HERC4: variants seen among roughly 807,000 people sequenced by gnomAD.
HERC4 encodes the protein probable E3 ubiquitin-protein ligase HERC4.
A neutral mutation model predicts 124.3 loss-of-function variants in HERC4; 28 were observed. That is an observed-to-expected ratio of 0.23 (90% CI 0.17 to 0.31). HERC4 has a LOEUF of 0.31. Ranked by LOEUF, HERC4 falls within the 10% of genes least tolerant of loss-of-function variation. HERC4 has a pLI of 1.00. For missense variants in HERC4, 713 were observed against 1,229.3 expected (o/e 0.58, Z 6.28); for synonymous variants, 407 against 421.5 (o/e 0.97, Z 0.42).
chr10:68,004,587 C>T (rs1169691956), intron 9 of HERC4, among the ~76,000 whole-genome samples: 1 of 151,960 alleles, frequency 6.6e-6, no homozygotes, highest in Non-Finnish European at 1.5e-5. Flanking sequence ...GGGGTGTATT[C>T]GTCTGTTTTC....
chr10:67,984,364 G>A (rs896947599), intron 15 of HERC4, among the ~76,000 whole-genome samples: 8 of 151,696 alleles, frequency 5.3e-5, no homozygotes, highest in African/African-American at 1.9e-4. Flanking sequence ...CAAAACTGGA[G>A]GACATTATTT....
intron 3 of HERC4, among the ~76,000 whole-genome samples, chr10:68,066,306 A>G (rs1303444897): frequency 1.3e-5 from 2 of 152,206 alleles, no homozygotes; most frequent in African/African-American, 4.8e-5. Context: ...AATCTTTACT[A>G]AGGAGATAAT....
chr10:68,009,068 A>T (rs968886014), intron 9 of HERC4, among the ~76,000 whole-genome samples: 1 of 151,982 alleles, frequency 6.6e-6, no homozygotes, highest in Non-Finnish European at 1.5e-5. Context: ...TAAAAATACT[A>T]AAAAAATTAG....
At chr10:67,925,209 A>G (rs1415888817) in intron 23 of HERC4, 22 bp from the exon 24 acceptor site, 2 of 1,372,648 alleles carry the variant, frequency 1.5e-6, no homozygotes, top group Non-Finnish European at 1.0e-6. Context: ...ATAATCTTTT[A>G]TTAGTATTAA....
chr10:68,072,038 C>T (rs1273754578), intron 3 of HERC4, among the ~76,000 whole-genome samples: 1 of 152,134 alleles, frequency 6.6e-6, no homozygotes, highest in Non-Finnish European at 1.5e-5. Context: ...ATAACTGCCA[C>T]AGAAAATACT....
At chr10:67,946,354 C>CACAA (rs2033340916) in intron 19 of HERC4, among the ~76,000 whole-genome samples, 2 of 88,668 alleles carry the variant, frequency 2.3e-5, no homozygotes, top group South Asian at 3.0e-4. Flanking sequence ...CACAAACACA[C>CACAA]ACACACACAC....
intron 19 of HERC4, among the ~76,000 whole-genome samples, chr10:67,949,731 A>C (rs976011229): frequency 6.6e-6 from 1 of 152,234 alleles, no homozygotes; most frequent in Non-Finnish European, 1.5e-5. Context: ...TACTAATGTA[A>C]AAAAGCATCA....
intron 19 of HERC4, among the ~76,000 whole-genome samples, chr10:67,949,967 T>C (rs1269617166): frequency 2.6e-5 from 4 of 151,802 alleles, no homozygotes; most frequent in Non-Finnish European, 5.9e-5. Context: ...TGCAGTAAGC[T>C]GAGATTGTGC....
chr10:68,069,957 G>A (rs951339096), intron 3 of HERC4: 18 of 499,118 alleles, frequency 3.6e-5, no homozygotes, highest in East Asian at 3.0e-4. Context: ...CAGGAGAATC[G>A]CTTGAACCTG....
intron 9 of HERC4, chr10:68,010,129 C>T (rs912298426): frequency 1.2e-6 from 1 of 823,838 alleles, no homozygotes; most frequent in African/African-American, 1.7e-5. Flanking sequence ...CCCAAAAGCC[C>T]TGGCACAAAC....
Position 68,034,108 on chromosome 10 carries a change from G to C in HERC4, c.542C>G (p.Pro181Arg). Residue 181 changes from proline to arginine, a missense_variant, in exon 6 of 25, where the codon CCG becomes CGG. Coordinates refer to ENST00000373700, the MANE Select transcript of HERC4 (RefSeq NM_015601.4). ...LGTDCKKQTS[P>R]QLLKSLLGIP... Reference sequence around the variant, plus strand: ...TCCAAGCAAAGACTTAAGCAGCTGCGGTGAAGTTTGCTTTTTACAGTCAGT... The same window carrying C: ...TCCAAGCAAAGACTTAAGCAGCTGCCGTGAAGTTTGCTTTTTACAGTCAGT... 6.2e-7 allele frequency: 1 copy of C among 1,614,026 alleles called. No individual in the cohort carries two copies. The highest frequency in any genetic ancestry group is 1.3e-5 in the African/African-American group (1 of 74,988).
At chr10:67,951,961 C>G (rs777679405) in intron 19 of HERC4, among the ~76,000 whole-genome samples, 4 of 152,152 alleles carry the variant, frequency 2.6e-5, no homozygotes, top group Non-Finnish European at 5.9e-5. Flanking sequence ...GTTTCTGGAC[C>G]TGTCTGTTTC....
At chr10:68,059,489 T>TATAATATTATAA (rs1453502836) in intron 3 of HERC4, among the ~76,000 whole-genome samples, 1 of 98,574 alleles carries the variant, frequency 1.0e-5, no homozygotes, top group Non-Finnish European at 1.8e-5. Flanking sequence ...TATTATATAT[T>TATAATATTATAA]ATAACATTAT....
intron 9 of HERC4, among the ~76,000 whole-genome samples, chr10:67,997,471 A>T: frequency 6.6e-6 from 1 of 151,372 alleles, no homozygotes; most frequent in African/African-American, 2.5e-5. Context: ...ACTAAGTATT[A>T]TTTCTCAAGC....
At chr10:67,946,566 AGGT>A (rs1460709315) in intron 19 of HERC4, among the ~76,000 whole-genome samples, 1 of 152,156 alleles carries the variant, frequency 6.6e-6, no homozygotes, top group Admixed American at 6.6e-5. Flanking sequence ...AAGACAAAGA[AGGT>A]CATTATATAA....
rs529830919 is a variant in HERC4, at chr10:68,058,284, G to C, written c.227-13721C>G. ...AGGTTAATTGAAGACTAAAGGCAAA[G>C]AAGTACTTCCATGCCTAGCACAATA... is the stretch of plus-strand genomic sequence containing the variant. On this transcript the variant is annotated intron_variant, in intron 3 of 24. Transcript: ENST00000373700. Among the ~76,000 whole-genome samples the C allele has an allele frequency of 6.6e-5, 10 of 152,240 alleles. No homozygotes were observed. The East Asian group carries it at 1.9e-3, about 29-fold the overall frequency.
chr10:67,960,985 G>T, intron 16 of HERC4: 1 of 359,416 alleles, frequency 2.8e-6, no homozygotes, highest in South Asian at 2.4e-5. Context: ...CTTTCTTGCG[G>T]ATTTGGCGGA....
At chr10:67,932,811 T>C in intron 22 of HERC4, 31 bp from the exon 23 acceptor site, 1 of 1,542,964 alleles carries the variant, frequency 6.5e-7, no homozygotes, top group South Asian at 1.2e-5. Context: ...ATGTACAGAT[T>C]ATAAAAATCA....
At chr10:68,042,364 C>G (rs930203554) in intron 4 of HERC4, among the ~76,000 whole-genome samples, 1 of 152,184 alleles carries the variant, frequency 6.6e-6, no homozygotes, top group African/African-American at 2.4e-5. Context: ...GTGGCTTACG[C>G]CTGTAATCTC....
Sources: allele counts gnomAD v4.1 joint callset (sites outside exome capture counted in the v4.1 genomes callset), GRCh38; gene constraint gnomAD v4.1.1; transcripts MANE v1.5; gene names NCBI Gene and HGNC (gene_info 2026-07-23, HGNC 2026-07-21).